The following TRIM2 variants were observed in gnomAD, a reference collection of about 807,000 sequenced individuals.
The protein encoded by TRIM2 is tripartite motif-containing protein 2.
A neutral mutation model predicts 75.2 loss-of-function variants in TRIM2; 20 were observed. The ratio of observed to expected loss-of-function variants is 0.27; its 90% CI spans 0.19 to 0.39. The LOEUF is 0.39. Among genes scored for constraint, TRIM2 ranks in the 10% least tolerant of loss-of-function variants. The probability of loss-of-function intolerance (pLI) is 1.00; values close to 1 mark genes in which losing one functional copy is unlikely to be tolerated. For synonymous variants in TRIM2, 373 were observed against 388.3 expected, an observed-to-expected ratio of 0.96 and a Z score of 0.46; for missense variants, 660 against 990.8, an observed-to-expected ratio of 0.67 and a Z score of 4.48.
At chr4:153,237,524 C>T (rs1578802425) in intron 1 of TRIM2, among the ~76,000 whole-genome samples, 1 of 151,970 alleles carries the variant, frequency 6.6e-6, no homozygotes, top group African/African-American at 2.4e-5. Context: ...ACTGAAAATA[C>T]AAAAAATTAG....
intron 1 of TRIM2, among the ~76,000 whole-genome samples, chr4:153,244,364 T>TTCTTCC (rs1748147697): frequency 3.3e-5 from 1 of 30,722 alleles, no homozygotes; most frequent in African/African-American, 2.6e-4. Flanking sequence ...CCTCTTCTTC[T>TTCTTCC]TCTTCTTCTT....
intron 3 of TRIM2, among the ~76,000 whole-genome samples, chr4:153,284,137 C>G (rs1430090445): frequency 6.6e-6 from 1 of 151,806 alleles, no homozygotes; most frequent in East Asian, 1.9e-4. Context: ...CTTCGGCCTC[C>G]CAAAGTGCTG....
chr4:153,166,534 C>T (rs1730340543), intron 1 of TRIM2, among the ~76,000 whole-genome samples: 1 of 148,506 alleles, frequency 6.7e-6, no homozygotes, highest in South Asian at 2.2e-4. Context: ...TCCTTCCTTC[C>T]TTTTCTCTCT....
chr4:153,321,453 C>T (rs1768963544), intron 8 of TRIM2, among the ~76,000 whole-genome samples: 1 of 152,114 alleles, frequency 6.6e-6, no homozygotes, highest in Non-Finnish European at 1.5e-5. Context: ...AAATACACAC[C>T]ACAGTCTACT....
Position 153,286,607 on chromosome 4 carries a change from G to A in TRIM2, c.454-6375G>A, listed in dbSNP as rs185762676. Among the ~76,000 whole-genome samples the A allele has an allele frequency of 2.0e-5, 3 of 152,102 alleles. No homozygotes were observed. The East Asian group carries it at 5.8e-4, about 29-fold the overall frequency. ...TTCATCTAAGTTATTCAATGTGTTA[G>A]CATAAAACTATCCACAGTATTCTGT... On this transcript the variant is annotated intron_variant, in intron 3 of 11. Transcript: ENST00000338700.
In TRIM2 at chr4:153,263,129, G is replaced by A. The variant is rs138484126; in HGVS notation, c.31-7206G>A. 1.9e-3 allele frequency among the ~76,000 whole-genome samples: 288 copies of A among 152,150 alleles called. 1 individual carries two copies. The highest frequency in any genetic ancestry group is 6.8e-3 in the South Asian group (33 of 4,824). On this transcript the variant is annotated intron_variant, in intron 1 of 11. Transcript: ENST00000338700. ...GAGGATCACTTGAGCCCAAGAGTCC[G>A]AAACCAGCTGTGCAACATAGTGGCA... is the stretch of plus-strand genomic sequence containing the variant.
chr4:153,244,481 G>T (rs1288246322), intron 1 of TRIM2, among the ~76,000 whole-genome samples: 1 of 144,866 alleles, frequency 6.9e-6, no homozygotes, highest in Non-Finnish European at 1.5e-5. Context: ...AGCTGATCTT[G>T]AACTCCTGGG....
At chr4:153,289,461 A>T (rs1761377820) in intron 3 of TRIM2, among the ~76,000 whole-genome samples, 1 of 152,192 alleles carries the variant, frequency 6.6e-6, no homozygotes, top group Non-Finnish European at 1.5e-5. Flanking sequence ...GTAATCATTT[A>T]AAAATATGAA....
At chr4:153,267,702 C>G (rs1429950320) in intron 1 of TRIM2, among the ~76,000 whole-genome samples, 1 of 152,162 alleles carries the variant, frequency 6.6e-6, no homozygotes, top group African/African-American at 2.4e-5. Flanking sequence ...GACCTCCTGC[C>G]TAGGGTCATA....
chr4:153,192,544 T>C (rs1265599069), intron 1 of TRIM2, among the ~76,000 whole-genome samples: 2 of 150,860 alleles, frequency 1.3e-5, no homozygotes, highest in Middle Eastern at 3.2e-3. Flanking sequence ...AAGGTCAAGT[T>C]TACGGTGAGC....
At chr4:153,181,911 G>T (rs567362936) in intron 1 of TRIM2, among the ~76,000 whole-genome samples, 7 of 152,140 alleles carry the variant, frequency 4.6e-5, no homozygotes, top group Non-Finnish European at 7.3e-5. Context: ...TACCCTGAGG[G>T]CCTGGCAATG....
chr4:153,272,585 C>G (rs1756977635), intron 2 of TRIM2, among the ~76,000 whole-genome samples: 1 of 152,066 alleles, frequency 6.6e-6, no homozygotes. Context: ...TTCCCAGGCT[C>G]CAGAGATCTT....
At chr4:153,175,033 G>C (rs1470458307) in intron 1 of TRIM2, among the ~76,000 whole-genome samples, 2 of 151,346 alleles carry the variant, frequency 1.3e-5, no homozygotes, top group Non-Finnish European at 2.9e-5. Flanking sequence ...TTTTGAGACA[G>C]AGTTTTGCTC....
chr4:153,244,161 T>G (rs1249347542), intron 1 of TRIM2, among the ~76,000 whole-genome samples: 1 of 138,656 alleles, frequency 7.2e-6, no homozygotes, highest in African/African-American at 3.1e-5. Flanking sequence ...TTGTTCTTCT[T>G]CTTCTTCTTC....
intron 3 of TRIM2, among the ~76,000 whole-genome samples, chr4:153,289,184 A>G (rs1324109916): frequency 1.3e-5 from 2 of 151,128 alleles, no homozygotes; most frequent in Non-Finnish European, 1.5e-5. Flanking sequence ...TATTGTGGCA[A>G]CTCTGGAAAT....
At position 153,244,363 on chromosome 4, in the gene TRIM2, CTTCTTCT is replaced by C. The variant is rs1560874461; in HGVS notation, c.31-25970_31-25964del. On this transcript the variant is annotated intron_variant, in intron 1 of 11. Transcript: ENST00000338700. ...TCTTCTTCTTCTTCTTCCTCTTCTTCTTCTTCTTCTTCTTCTTCTTCTTCTTCTTCTT... is the reference window on the plus strand; with the variant it reads ...TCTTCTTCTTCTTCTTCCTCTTCTTCTCTTCTTCTTCTTCTTCTTCTTCTT... 3.3e-4 allele frequency among the ~76,000 whole-genome samples: 12 copies of C among 36,352 alleles called. 1 individual carries two copies. The highest frequency in any genetic ancestry group is 4.1e-4 in the Admixed American group (1 of 2,456). 23.8% of individuals were successfully genotyped at this position (36,352 alleles called of 152,430 possible).
chr4:153,332,071 T>C (rs1185980031), intron 11 of TRIM2, among the ~76,000 whole-genome samples: 1 of 152,232 alleles, frequency 6.6e-6, no homozygotes, highest in Admixed American at 6.5e-5. Context: ...ACTTTTAGAA[T>C]AATTTAAGAG....
At chr4:153,276,425 A>G in intron 3 of TRIM2, 1 of 495,164 alleles carries the variant, frequency 2.0e-6, no homozygotes, top group Non-Finnish European at 3.6e-6. Flanking sequence ...TAATAAATTT[A>G]TGGATACGGA....
At chr4:153,217,021 T>C (rs1480957206) in intron 1 of TRIM2, among the ~76,000 whole-genome samples, 1 of 152,210 alleles carries the variant, frequency 6.6e-6, no homozygotes, top group Non-Finnish European at 1.5e-5. Context: ...AACTTTTATT[T>C]CTCCCCAACA....
Sources: allele counts gnomAD v4.1 joint callset (sites outside exome capture counted in the v4.1 genomes callset), GRCh38; gene constraint gnomAD v4.1.1; transcripts MANE v1.5; gene names NCBI Gene and HGNC (gene_info 2026-07-23, HGNC 2026-07-21).